Variants in RERE observed in about 807,000 individuals in gnomAD.
The protein encoded by RERE is arginine-glutamic acid dipeptide repeats protein.
Under a neutral mutation model 146.1 loss-of-function variants are expected in RERE, and 40 were observed. The observed-to-expected ratio is 0.27, with a 90% CI of 0.21 to 0.36. The LOEUF (loss-of-function observed/expected upper bound fraction) is 0.36, where lower values mean the gene tolerates loss of function less well. RERE is among the 10% of genes least tolerant of loss of function. The pLI is 1.00. For missense variants in RERE, 1,933 were observed against 2,138.7 expected (o/e 0.90, Z 1.90); for synonymous variants, 1,003 against 866.0 (o/e 1.16, Z -2.78).
intron 6 of RERE, among the ~76,000 whole-genome samples, chr1:8,542,196 A>T (rs1039665970): frequency 2.0e-5 from 3 of 152,092 alleles, no homozygotes; most frequent in African/African-American, 7.2e-5. Flanking sequence ...AGGCTTAAGA[A>T]CTCTAACTCC....
intron 11 of RERE, among the ~76,000 whole-genome samples, chr1:8,433,751 G>A (rs896075375): frequency 2.0e-5 from 3 of 151,056 alleles, no homozygotes; most frequent in African/African-American, 7.3e-5. Flanking sequence ...TAGTAGAGAC[G>A]GGGTTTCACC....
rs1643953277 is a variant in RERE at position 8,423,710 on chromosome 1, GACC to G, written c.1204-906_1204-904del. ...GGCGGCCGCGGGTGGCTCGGCGTGT[GACC>G]GCGGCGGGGCCGCGCGGCGCGGGGC... On this transcript the variant is annotated intron_variant, in intron 11 of 22. Coordinates refer to ENST00000400908, the MANE Select transcript of RERE (RefSeq NM_001042681.2). The surrounding 1 kb of genome is among the most constrained non-coding windows in gnomAD (Gnocchi z 5.4). 2.0e-6 allele frequency: 2 copies of G among 981,138 alleles called. No homozygotes were observed. The highest frequency in any genetic ancestry group is 2.4e-6 in the Non-Finnish European group (2 of 828,468). 60.8% of individuals were successfully genotyped at this position (981,138 alleles called of 1,614,324 possible).
intron 7 of RERE, chr1:8,512,027 TTTTTTTTTTTTTTTTTTG>T (rs1645345920): frequency 1.1e-5 from 1 of 93,484 alleles, no homozygotes; most frequent in Non-Finnish European, 2.2e-5. Flanking sequence ...TTTTTTTTTT[TTTTTTTTTTTTTTTTTTG>T]AGACGGAGTC....
In RERE at chr1:8,423,712, CCGCGGCGGGGCCG is replaced by C. The variant is rs979930821; in HGVS notation, c.1204-918_1204-906del. On this transcript the variant is annotated intron_variant, in intron 11 of 22. Transcript: ENST00000400908. The surrounding 1 kb of genome is among the most constrained non-coding windows in gnomAD (Gnocchi z 5.4). ...CGGCCGCGGGTGGCTCGGCGTGTGA[CCGCGGCGGGGCCG>C]CGCGGCGCGGGGCCCGGGGGGCGCG... 3.7e-4 allele frequency: 362 copies of C among 981,186 alleles called. 1 individual carries two copies. The highest frequency in any genetic ancestry group is 4.2e-4 in the Non-Finnish European group (352 of 828,414). 60.8% of individuals were successfully genotyped at this position (981,186 alleles called of 1,614,324 possible).
At chr1:8,582,236 C>T (rs909033963) in intron 4 of RERE, among the ~76,000 whole-genome samples, 2 of 152,040 alleles carry the variant, frequency 1.3e-5, no homozygotes, top group Admixed American at 6.6e-5. Context: ...TGCTGTGTTA[C>T]CCAGGCTGCA....
chr1:8,594,091 G>T (rs970818439), intron 4 of RERE, among the ~76,000 whole-genome samples: 8 of 152,204 alleles, frequency 5.3e-5, no homozygotes, highest in African/African-American at 1.9e-4. Flanking sequence ...CTACAAAAAT[G>T]TCACAGCACT....
intron 17 of RERE, 131 bp from the exon 18 acceptor site, chr1:8,361,621 G>A (rs375209607): frequency 1.0e-5 from 14 of 1,380,576 alleles, no homozygotes; most frequent in East Asian, 6.9e-5. Flanking sequence ...ACCACAGGTC[G>A]TGCCCTGACC....
intron 11 of RERE, chr1:8,434,825 T>G (rs1472334186): frequency 6.6e-6 from 1 of 152,216 alleles, no homozygotes; most frequent in Non-Finnish European, 1.5e-5. Context: ...ACCCTAGCTA[T>G]TCTAGTCCCC....
At chr1:8,574,489 C>T (rs547455652) in intron 4 of RERE, among the ~76,000 whole-genome samples, 2 of 151,738 alleles carry the variant, frequency 1.3e-5, no homozygotes, top group African/African-American at 2.4e-5. Flanking sequence ...GGACTACAGG[C>T]GCCCGCCACC....
intron 1 of RERE, among the ~76,000 whole-genome samples, chr1:8,794,153 T>C (rs371271440): frequency 1.3e-5 from 2 of 151,442 alleles, no homozygotes; most frequent in East Asian, 3.9e-4. Context: ...ATCCCAGCAC[T>C]TTGGGAGGCC....
chr1:8,750,664 C>G (rs1232085223), intron 1 of RERE: 12 of 883,608 alleles, frequency 1.4e-5, no homozygotes, highest in Middle Eastern at 2.2e-4. Context: ...GAAAAGCTGG[C>G]AACTTCTGTG....
chr1:8,500,297 C>T (rs1157045943), intron 8 of RERE, among the ~76,000 whole-genome samples: 1 of 152,160 alleles, frequency 6.6e-6, no homozygotes, highest in African/African-American at 2.4e-5. Context: ...GCAGGACCAA[C>T]CTCCCCCCCA....
intron 7 of RERE, among the ~76,000 whole-genome samples, chr1:8,529,260 A>G (rs920666464): frequency 4.7e-5 from 7 of 149,450 alleles, no homozygotes; most frequent in African/African-American, 1.7e-4. Context: ...TATATCCACC[A>G]GCCTCCACAA....
In RERE at chr1:8,435,620, T is replaced by C. The variant is rs138938729; in HGVS notation, c.1204-12813A>G. On this transcript the variant is annotated intron_variant, in intron 11 of 22. Transcript: ENST00000400908. ...AGAGTAGAGCCAGTGATTTCCTTTG[T>C]CAACACACCTGCATGCCAAAAACCC... Among the ~76,000 whole-genome samples, 28 of 152,334 alleles carry C rather than the reference T, an allele frequency of 1.8e-4. 1 individual carries two copies. In the East Asian group the frequency reaches 5.4e-3, roughly 29 times the overall value.
intron 1 of RERE, among the ~76,000 whole-genome samples, chr1:8,736,247 C>T (rs1640195556): frequency 6.6e-6 from 1 of 152,130 alleles, no homozygotes; most frequent in Admixed American, 6.6e-5. Flanking sequence ...TGCTCTGTTG[C>T]CCAGGCTGGA....
chr1:8,671,858 C>T (rs1638725459), intron 1 of RERE, among the ~76,000 whole-genome samples: 1 of 152,096 alleles, frequency 6.6e-6, no homozygotes, highest in Non-Finnish European at 1.5e-5. Context: ...CTCAGGAAGG[C>T]ACACTGTTTT....
At chr1:8,635,147 T>C (rs1223680991) in intron 2 of RERE, among the ~76,000 whole-genome samples, 1 of 152,122 alleles carries the variant, frequency 6.6e-6, no homozygotes, top group Non-Finnish European at 1.5e-5. Context: ...GAATTACAAA[T>C]GTCATTTTAC....
intron 11 of RERE, among the ~76,000 whole-genome samples, chr1:8,427,867 G>A (rs2124478957): frequency 6.6e-6 from 1 of 152,292 alleles, no homozygotes; most frequent in East Asian, 1.9e-4. Context: ...GACTTCTGTT[G>A]CGGCTGTCTC....
intron 10 of RERE, among the ~76,000 whole-genome samples, chr1:8,488,007 G>GAAGCAGGA (rs1213700922): frequency 6.7e-6 from 1 of 150,336 alleles, no homozygotes; most frequent in African/African-American, 2.5e-5. Context: ...TCAGGAGGCT[G>GAAGCAGGA]AAGCAGGAGA....
Sources: gnomAD v4.1 joint callset for allele counts (sites outside exome capture counted in the v4.1 genomes callset) on GRCh38, gnomAD v4.1.1 for gene constraint, Gnocchi (gnomAD v3.1) non-coding constraint, MANE v1.5 for transcripts, NCBI Gene and HGNC (gene_info 2026-07-23, HGNC 2026-07-21) for gene names.